TPX2: variants seen among roughly 807,000 people sequenced by gnomAD.
TPX2 encodes TPX2 microtubule nucleation factor.
TPX2 carries 21 observed loss-of-function variants against 93.6 expected under a neutral mutation model. The observed-to-expected ratio is 0.22, with a 90% CI of 0.16 to 0.32. The LOEUF is 0.32. TPX2 is among the 10% of genes least tolerant of loss of function. The pLI is 1.00. For synonymous variants in TPX2, 281 were observed against 298.3 expected (o/e 0.94, Z 0.60); for missense variants, 776 against 871.1 (o/e 0.89, Z 1.37).
intron 6 of TPX2, among the ~76,000 whole-genome samples, chr20:31,771,079 C>A (rs958638543): frequency 1.3e-5 from 2 of 152,028 alleles, no homozygotes; most frequent in Non-Finnish European, 2.9e-5. Context: ...TATCAGGAAA[C>A]TTAAGTCTTT....
chr20:31,769,254 A>G (rs1295274623), intron 5 of TPX2, among the ~76,000 whole-genome samples: 1 of 151,324 alleles, frequency 6.6e-6, no homozygotes, highest in Admixed American at 6.6e-5. Context: ...CGAAACTAAC[A>G]TACCATGTTT....
chr20:31,780,757 A>G (rs2062028172), intron 10 of TPX2, among the ~76,000 whole-genome samples: 2 of 152,178 alleles, frequency 1.3e-5, no homozygotes, highest in Non-Finnish European at 2.9e-5. Context: ...TAATATTTTC[A>G]ATGAGTGGTG....
At chr20:31,789,256 G>A (rs546140796) in intron 12 of TPX2, among the ~76,000 whole-genome samples, 1 of 152,212 alleles carries the variant, frequency 6.6e-6, no homozygotes, top group East Asian at 1.9e-4. Flanking sequence ...TGAGAACAGG[G>A]ACCGTGTGTA....
At chr20:31,793,809 G>A (rs201265216) in intron 13 of TPX2, 39 bp from the exon 14 acceptor site, 289 of 1,520,084 alleles carry the variant, frequency 1.9e-4, no homozygotes, top group Non-Finnish European at 2.3e-4. Flanking sequence ...GTTGGAGAGA[G>A]TGAGGAGTCT....
chr20:31,799,917 AAAAAG>A (rs2062159774), intron 17 of TPX2, among the ~76,000 whole-genome samples: 1 of 151,168 alleles, frequency 6.6e-6, no homozygotes, highest in East Asian at 1.9e-4. Context: ...AAAAAAAAAA[AAAAAG>A]AAGTGTAAGT....
chr20:31,782,195 C>G (rs951672033), intron 10 of TPX2, 54 bp from the exon 11 acceptor site: 4 of 1,559,054 alleles, frequency 2.6e-6, no homozygotes, highest in Non-Finnish European at 3.5e-6. Context: ...TCACCACTTA[C>G]AAGTAAACTG....
intron 11 of TPX2, among the ~76,000 whole-genome samples, chr20:31,783,219 A>G (rs1309677779): frequency 6.6e-6 from 1 of 151,722 alleles, no homozygotes; most frequent in Non-Finnish European, 1.5e-5. Context: ...TGTCTGATTT[A>G]TTCTTTCTTC....
intron 2 of TPX2, among the ~76,000 whole-genome samples, chr20:31,756,769 G>T (rs979365409): frequency 6.6e-6 from 1 of 151,732 alleles, no homozygotes; most frequent in Non-Finnish European, 1.5e-5. Context: ...AATTACAGGC[G>T]CCTGCCACCA....
At chr20:31,766,781 A>C in intron 5 of TPX2, 99 bp downstream of exon 5, 1 of 1,117,106 alleles carries the variant, frequency 9.0e-7, no homozygotes, top group Non-Finnish European at 1.2e-6. Context: ...GTGTTTATGG[A>C]CACCTTTATG....
At position 31,772,971 on chromosome 20, in the gene TPX2, C is replaced by CTTTTT. The variant is rs558541526; in HGVS notation, c.608+1308_608+1312dup. Among the ~76,000 whole-genome samples the CTTTTT allele has an allele frequency of 5.4e-4, 52 of 96,470 alleles. 1 individual carries two copies. Among genetic ancestry groups the CTTTTT allele is most frequent in the Non-Finnish European group, 6.9e-4 (35 of 50,614 alleles). 63.3% of individuals were successfully genotyped at this position (96,470 alleles called of 152,430 possible). A position where few individuals can be genotyped will look rare whatever the true frequency, so the allele number is the denominator to read the frequency against. On this transcript the variant is annotated intron_variant, in intron 7 of 17. Coordinates refer to ENST00000300403, the MANE Select transcript of TPX2 (RefSeq NM_012112.5). ...AAGTACCAATTTATAGTGCCATCGG[C>CTTTTT]TTTTTTTTTTTTTTTTTTTTTTTGA... is the stretch of plus-strand genomic sequence containing the variant.
At chr20:31,747,754 GGT>G in intron 2 of TPX2, among the ~76,000 whole-genome samples, 1 of 148,954 alleles carries the variant, frequency 6.7e-6, no homozygotes, top group Non-Finnish European at 1.5e-5. Context: ...GGGGGAATGT[GGT>G]TGACGCATGT....
At chr20:31,792,427 A>G (rs1297839186) in intron 12 of TPX2, among the ~76,000 whole-genome samples, 2 of 152,174 alleles carry the variant, frequency 1.3e-5, no homozygotes, top group African/African-American at 2.4e-5. Flanking sequence ...TTCACCCTCA[A>G]AGAGATATGA....
At position 31,777,638 on chromosome 20, in the gene TPX2, T is replaced by C. The variant is rs774845312; in HGVS notation, c.882T>C (p.Pro294=). The C allele has an allele frequency of 6.2e-6, 10 of 1,611,962 alleles. No individual in the cohort carries two copies. The highest frequency in any genetic ancestry group is 5.9e-6 in the Non-Finnish European group (7 of 1,178,596). Residue 294 remains proline (P), a splice_region_variant and synonymous_variant, in exon 9 of 18, where the codon CCT becomes CCC. Coordinates refer to ENST00000300403, the MANE Select transcript of TPX2 (RefSeq NM_012112.5). ...AACTACGAAAGCATCCTTCATCTCC[T>C]GTAAGTTGATGGACTAAATGAACAT... The part of the protein sequence containing the change: ...TSELRKHPSS[P]ARVTKGCTIV...
intron 8 of TPX2, among the ~76,000 whole-genome samples, chr20:31,777,238 C>A (rs752248187): frequency 6.6e-6 from 1 of 152,192 alleles, no homozygotes; most frequent in African/African-American, 2.4e-5. Context: ...AGATGGGATT[C>A]TTCTACCCTG....
At chr20:31,796,513 T>G (rs548143830) in intron 15 of TPX2, among the ~76,000 whole-genome samples, 11 of 152,356 alleles carry the variant, frequency 7.2e-5, no homozygotes, top group African/African-American at 2.4e-4. Context: ...TCTCCGAATC[T>G]TCTTTCAATC....
At chr20:31,754,164 GTC>G (rs2061837542) in intron 2 of TPX2, among the ~76,000 whole-genome samples, 2 of 151,972 alleles carry the variant, frequency 1.3e-5, no homozygotes, top group Admixed American at 6.6e-5. Context: ...CAGTGGTGCG[GTC>G]TTGGCTCACT....
intron 13 of TPX2, among the ~76,000 whole-genome samples, chr20:31,793,091 T>A (rs753998107): frequency 1.2e-4 from 18 of 152,226 alleles, no homozygotes; most frequent in Non-Finnish European, 1.8e-4. Flanking sequence ...TGGAGGCTTG[T>A]CTGCTGTAGC....
chr20:31,801,030 C>T lies in TPX2; in HGVS notation c.2194C>T (p.Pro732Ser). 6.2e-7 allele frequency: 1 copy of T among 1,614,226 alleles called. No individual in the cohort carries two copies. Among genetic ancestry groups the T allele is most frequent in the Non-Finnish European group, 8.5e-7 (1 of 1,180,046 alleles). ...TCTGGAGATAAAGTCAAGTGACCAG[C>T]CTCTGACTGTGCCTGTATCTCCCAA... ...QGLEIKSSDQPLTVPVSPKFS... is the reference protein window; with the variant it reads ...QGLEIKSSDQSLTVPVSPKFS... The change falls in exon 18 of 18, where the codon CCT becomes TCT. Residue 732 changes from proline (P) to serine (S), a missense_variant. This residue lies in a region of TPX2 where 461 missense variants were observed against 551.2 expected (regional missense o/e 0.84). Coordinates refer to ENST00000300403, the MANE Select transcript of TPX2 (RefSeq NM_012112.5).
Position 31,766,718 on chromosome 20 carries a change from A to G in TPX2, c.356+36A>G, listed in dbSNP as rs369861704. ...GGAATCTCAAAGTGGTGGTTATGAT[A>G]ATAATGTTCAAAGGATAGTTACTGG... On this transcript the variant is annotated intron_variant, in intron 5 of 17. Coordinates refer to ENST00000300403, the MANE Select transcript of TPX2 (RefSeq NM_012112.5). The G allele has an allele frequency of 2.3e-5, 37 of 1,597,996 alleles. No homozygotes were observed. In the African/African-American group the frequency reaches 3.0e-4, roughly 13 times the overall value.
Sources: allele counts gnomAD v4.1 joint callset (sites outside exome capture counted in the v4.1 genomes callset), GRCh38; gene constraint gnomAD v4.1.1; regional missense constraint gnomAD v4.1.1; transcripts MANE v1.5; gene names NCBI Gene and HGNC (gene_info 2026-07-23, HGNC 2026-07-21).